The following DLG2 variants were observed in gnomAD, a reference collection of about 807,000 sequenced individuals.
DLG2 encodes disks large homolog 2.
In DLG2, 45 loss-of-function variants were observed where a neutral mutation model predicts 132.5. The observed-to-expected ratio is 0.34, with a 90% CI of 0.27 to 0.44. DLG2 has a LOEUF of 0.44. Ranked by LOEUF, DLG2 falls within the 20% of genes least tolerant of loss-of-function variation. The pLI, the probability that DLG2 is intolerant of heterozygous loss-of-function variation, is 1.00. For missense variants in DLG2, 1,045 were observed against 1,196.9 expected (o/e 0.87, Z 1.87); for synonymous variants, 424 against 419.6 (o/e 1.01, Z -0.13).
At chr11:83,820,182 ATAT>A (rs2050362835) in intron 17 of DLG2, among the ~76,000 whole-genome samples, 2 of 152,142 alleles carry the variant, frequency 1.3e-5, no homozygotes, top group South Asian at 4.1e-4. Context: ...CAGTCACTAC[ATAT>A]TATTTATTGT....
At chr11:83,750,378 T>C (rs1437907716) in intron 18 of DLG2, among the ~76,000 whole-genome samples, 3 of 152,100 alleles carry the variant, frequency 2.0e-5, no homozygotes, top group Non-Finnish European at 4.4e-5. Flanking sequence ...AAATCCAATA[T>C]AGTTAAAGAG....
chr11:83,547,253 T>C (rs17145434), intron 19 of DLG2, among the ~76,000 whole-genome samples: 2,586 of 152,200 alleles, frequency 0.017, 81 homozygotes, highest in African/African-American at 0.059. Context: ...AACAAGGATA[T>C]GATAGGAGAA....
chr11:84,359,730 T>G (rs745435767), intron 7 of DLG2, among the ~76,000 whole-genome samples: 1 of 151,486 alleles, frequency 6.6e-6, no homozygotes, highest in South Asian at 2.1e-4. Flanking sequence ...AGGGATAAAA[T>G]GTCATCCTTT....
chr11:84,428,122 A>G (rs375170100), intron 7 of DLG2, among the ~76,000 whole-genome samples: 11 of 152,202 alleles, frequency 7.2e-5, no homozygotes, highest in Non-Finnish European at 1.2e-4. Flanking sequence ...AACCAAAGCT[A>G]TCCTCCAAAA....
At chr11:84,388,450 T>C (rs1258581029) in intron 7 of DLG2, among the ~76,000 whole-genome samples, 1 of 152,102 alleles carries the variant, frequency 6.6e-6, no homozygotes, top group Non-Finnish European at 1.5e-5. Context: ...GTGTATGTTT[T>C]GTGATGATGT....
intron 10 of DLG2, among the ~76,000 whole-genome samples, chr11:84,097,532 A>T (rs372052830): frequency 2.6e-5 from 4 of 151,846 alleles, no homozygotes; most frequent in African/African-American, 7.3e-5. Flanking sequence ...AAGACCAATA[A>T]CTCTCCTCCA....
At chr11:84,993,514 T>C (rs1299190805) in intron 6 of DLG2, among the ~76,000 whole-genome samples, 3 of 152,182 alleles carry the variant, frequency 2.0e-5, no homozygotes, top group Non-Finnish European at 4.4e-5. Context: ...TGTAAAGGAA[T>C]GTGGGAAGTT....
intron 19 of DLG2, among the ~76,000 whole-genome samples, chr11:83,557,023 C>CAAT (rs71066050): frequency 0.72 from 109,144 of 151,802 alleles, 39,905 homozygotes; most frequent in African/African-American, 0.86. Context: ...ACCATGATTA[C>CAAT]AATTGTCTGG....
At chr11:84,326,402 C>T (rs2098432909) in intron 7 of DLG2, among the ~76,000 whole-genome samples, 1 of 152,028 alleles carries the variant, frequency 6.6e-6, no homozygotes, top group Admixed American at 6.6e-5. Context: ...TTTATGGTAT[C>T]CCATAAGTTT....
intron 6 of DLG2, among the ~76,000 whole-genome samples, chr11:85,092,829 G>A (rs1424965928): frequency 6.6e-6 from 1 of 152,034 alleles, no homozygotes; most frequent in Admixed American, 6.6e-5. Flanking sequence ...TTTTAGTAGA[G>A]ATGAGGTTTT....
At chr11:85,189,686 G>A (rs2080388580) in intron 4 of DLG2, among the ~76,000 whole-genome samples, 1 of 152,118 alleles carries the variant, frequency 6.6e-6, no homozygotes, top group African/African-American at 2.4e-5. Context: ...GATTACATAT[G>A]TTAAAATTCA....
intron 3 of DLG2, among the ~76,000 whole-genome samples, chr11:85,300,749 G>A (rs915769353): frequency 6.6e-6 from 1 of 152,152 alleles, no homozygotes; most frequent in Non-Finnish European, 1.5e-5. Context: ...CAGAAAGCCT[G>A]TTCTAGGGAG....
intron 19 of DLG2, among the ~76,000 whole-genome samples, chr11:83,605,083 G>A (rs2059153976): frequency 6.7e-6 from 1 of 150,038 alleles, no homozygotes; most frequent in Non-Finnish European, 1.5e-5. Flanking sequence ...CAGTTTAACA[G>A]AGCCAGAAGG....
chr11:84,536,403 C>G (rs2099355698), intron 6 of DLG2, among the ~76,000 whole-genome samples: 1 of 151,792 alleles, frequency 6.6e-6, no homozygotes, highest in Non-Finnish European at 1.5e-5. Flanking sequence ...ACTGAATTGG[C>G]TGCTTAGTAG....
intron 6 of DLG2, among the ~76,000 whole-genome samples, chr11:84,764,397 C>T (rs1294393688): frequency 6.6e-6 from 1 of 152,134 alleles, no homozygotes; most frequent in African/African-American, 2.4e-5. Context: ...TAGAGTTCTG[C>T]AGTTGTTCTA....
At chr11:84,407,076 T>A (rs1440039921) in intron 7 of DLG2, among the ~76,000 whole-genome samples, 1 of 152,172 alleles carries the variant, frequency 6.6e-6, no homozygotes, top group Non-Finnish European at 1.5e-5. Flanking sequence ...GTCCCAGTTA[T>A]CATAACTGGG....
rs533061017 is a variant in DLG2 at position 83,885,249 on chromosome 11, T to C, written c.1497-10761A>G. Among the ~76,000 whole-genome samples the C allele has an allele frequency of 7.8e-4, 119 of 152,206 alleles. 1 individual carries two copies. Among genetic ancestry groups the C allele is most frequent in the South Asian group, 6.2e-3 (30 of 4,818 alleles). ...AGAATAACCAATACAGAGAAGTGCTTAAAGGAGCTGATGGAGCTGAAAGCC... is the reference window on the plus strand; with the variant it reads ...AGAATAACCAATACAGAGAAGTGCTCAAAGGAGCTGATGGAGCTGAAAGCC... On this transcript the variant is annotated intron_variant, in intron 15 of 27. Coordinates refer to ENST00000376104, the MANE Select transcript of DLG2 (RefSeq NM_001142699.3).
chr11:85,601,569 G>C (rs112033544), intron 2 of DLG2, among the ~76,000 whole-genome samples: 1 of 152,174 alleles, frequency 6.6e-6, no homozygotes, highest in East Asian at 1.9e-4. Context: ...TTGATCTCTT[G>C]ACCTTGTGAT....
intron 13 of DLG2, 148 bp downstream of exon 13, chr11:83,965,176 A>C: frequency 1.2e-6 from 1 of 812,736 alleles, no homozygotes; most frequent in Non-Finnish European, 1.9e-6. Flanking sequence ...GCAAGGCAAC[A>C]TAGGAGTGGA....
Sources: gnomAD v4.1 joint callset for allele counts (sites outside exome capture counted in the v4.1 genomes callset) on GRCh38, gnomAD v4.1.1 for gene constraint, MANE v1.5 for transcripts, NCBI Gene and HGNC (gene_info 2026-07-23, HGNC 2026-07-21) for gene names.